The following GCSAML variants were observed in gnomAD, a reference collection of about 807,000 sequenced individuals.
GCSAML encodes germinal center-associated signaling and motility-like protein.
A neutral mutation model predicts 13.0 loss-of-function variants in GCSAML; 9 were observed. The observed-to-expected ratio is 0.69, with a 90% CI of 0.42 to 1.21. The LOEUF (loss-of-function observed/expected upper bound fraction) is 1.21, where lower values mean the gene tolerates loss of function less well. Ranked by LOEUF, GCSAML falls within the 50% of genes most tolerant of loss-of-function variation. GCSAML has a pLI of 0.00. For missense variants in GCSAML, 143 were observed against 153.4 expected, an observed-to-expected ratio of 0.93 and a Z score of 0.36; for synonymous variants, 37 against 52.9, an observed-to-expected ratio of 0.70 and a Z score of 1.31.
At chr1:247,544,173 G>T (rs906712515), upstream of GCSAML, among the ~76,000 whole-genome samples, 18 of 152,208 alleles carry the variant, frequency 1.2e-4, no homozygotes, top group African/African-American at 4.1e-4. Context: ...CTGTGCTGAT[G>T]AAAGGTCGAA....
intron 4 of GCSAML, among the ~76,000 whole-genome samples, chr1:247,569,566 G>A (rs1026225675): frequency 9.9e-5 from 15 of 152,144 alleles, no homozygotes; most frequent in African/African-American, 2.7e-4. Context: ...CGACTTGATC[G>A]TGGTGGATAT....
intron 4 of GCSAML, among the ~76,000 whole-genome samples, chr1:247,570,711 A>G (rs116215734): frequency 0.013 from 2,004 of 152,222 alleles, 46 homozygotes; most frequent in African/African-American, 0.044. Flanking sequence ...AGATCTGTAG[A>G]TGTTTATTTG....
intron 2 of GCSAML, among the ~76,000 whole-genome samples, chr1:247,561,918 T>C (rs1407100512): frequency 6.6e-6 from 1 of 152,110 alleles, no homozygotes; most frequent in Non-Finnish European, 1.5e-5. Flanking sequence ...CACGGAGGGT[T>C]GCAGCAGGAC....
upstream of GCSAML, among the ~76,000 whole-genome samples, chr1:247,546,152 T>C (rs902098672): frequency 6.6e-6 from 1 of 152,092 alleles, no homozygotes; most frequent in Admixed American, 6.5e-5. Flanking sequence ...AATTTTTGTT[T>C]GTTCGTTTTG....
chr1:247,538,012 A>AT (rs35299196), intron 2 of GCSAML, among the ~76,000 whole-genome samples: 5 of 151,742 alleles, frequency 3.3e-5, no homozygotes, highest in African/African-American at 7.3e-5. Flanking sequence ...TAATTTATCT[A>AT]TTTTTTTTGT....
At chr1:247,533,555 G>C (rs12563814) in intron 2 of GCSAML, 139,843 of 152,252 alleles carry the variant, frequency 0.92, 64,529 homozygotes, top group Non-Finnish European at 0.96. Flanking sequence ...AGGTCTTATT[G>C]CATACCAAGA....
chr1:247,541,582 A>G (rs977881082), intron 2 of GCSAML, among the ~76,000 whole-genome samples: 6 of 152,230 alleles, frequency 3.9e-5, no homozygotes, highest in Non-Finnish European at 8.8e-5. Flanking sequence ...CTACAAGTCA[A>G]AAAACACACA....
At chr1:247,572,326 A>T (rs1668646474) in intron 4 of GCSAML, among the ~76,000 whole-genome samples, 1 of 151,712 alleles carries the variant, frequency 6.6e-6, no homozygotes. Context: ...CTTTTTCTTC[A>T]TCTTTGTGGA....
intron 1 of GCSAML, among the ~76,000 whole-genome samples, chr1:247,507,736 A>G (rs1489370895): frequency 4.0e-5 from 6 of 151,892 alleles, no homozygotes; most frequent in East Asian, 1.9e-4. Flanking sequence ...TGTGTTCTCA[A>G]CGTTCACTTA....
chr1:247,553,164 T>C (rs1240171054), intron 1 of GCSAML, among the ~76,000 whole-genome samples: 1 of 152,224 alleles, frequency 6.6e-6, no homozygotes, highest in Non-Finnish European at 1.5e-5. Context: ...TTTTATTTTA[T>C]TCTTTGTTAG....
intron 1 of GCSAML, among the ~76,000 whole-genome samples, chr1:247,550,511 C>A (rs1401984755): frequency 3.3e-5 from 5 of 152,074 alleles, no homozygotes; most frequent in African/African-American, 1.2e-4. Context: ...GTGGTGGGCA[C>A]CTGTAATCCC....
intron 4 of GCSAML, among the ~76,000 whole-genome samples, chr1:247,569,722 A>G (rs1668528024): frequency 6.6e-6 from 1 of 152,218 alleles, no homozygotes; most frequent in Non-Finnish European, 1.5e-5. Context: ...TGGCCTCATA[A>G]AATGAGTTAG....
At chr1:247,542,777 T>C (rs935415609) in intron 2 of GCSAML, among the ~76,000 whole-genome samples, 4 of 152,258 alleles carry the variant, frequency 2.6e-5, no homozygotes, top group African/African-American at 9.6e-5. Context: ...TCTAATTTAA[T>C]GACTATTTGA....
upstream of GCSAML, among the ~76,000 whole-genome samples, chr1:247,545,132 A>G (rs1667525042): frequency 1.3e-5 from 2 of 152,146 alleles, no homozygotes; most frequent in African/African-American, 4.8e-5. Flanking sequence ...CAGATTTGAG[A>G]GTTTGTTTCT....
intron 2 of GCSAML, chr1:247,529,533 G>A (rs760247009): frequency 2.6e-5 from 4 of 152,146 alleles, no homozygotes; most frequent in Non-Finnish European, 4.4e-5. Flanking sequence ...CCTGATACAT[G>A]AGTCCAGAAA....
chr1:247,574,636 G>A lies in GCSAML; in HGVS notation c.*254G>A. ...TTGTAAAGTTTGAGGACATGGAGGT[G>A]ATAAAAAAAACTTTCTTAGGACAAT... On this transcript the variant is annotated 3_prime_UTR_variant, in exon 5 of 5. Coordinates refer to ENST00000366488, the MANE Select transcript of GCSAML (RefSeq NM_145278.5). 2.4e-6 allele frequency: 1 copy of A among 421,290 alleles called. No homozygotes were observed. The highest frequency in any genetic ancestry group is 2.0e-5 in the African/African-American group (1 of 49,772). 26.1% of individuals were successfully genotyped at this position (421,290 alleles called of 1,614,324 possible).
At chr1:247,510,725 T>C (rs1029371096) in intron 1 of GCSAML, among the ~76,000 whole-genome samples, 21 of 152,162 alleles carry the variant, frequency 1.4e-4, no homozygotes, top group African/African-American at 4.8e-4. Context: ...TTCAAAGAAC[T>C]TATTACTTCT....
intron 1 of GCSAML, among the ~76,000 whole-genome samples, chr1:247,513,910 T>G (rs1197807472): frequency 6.6e-6 from 1 of 152,084 alleles, no homozygotes; most frequent in African/African-American, 2.4e-5. Context: ...TCACCAGGCT[T>G]CTGCATTGAT....
chr1:247,534,704 CTA>C (rs1491356962), intron 2 of GCSAML, among the ~76,000 whole-genome samples: 1 of 152,176 alleles, frequency 6.6e-6, no homozygotes, highest in Non-Finnish European at 1.5e-5. Flanking sequence ...GTGAACTTAA[CTA>C]TCAGCCTTCT....
Sources: gnomAD v4.1 joint callset for allele counts (sites outside exome capture counted in the v4.1 genomes callset) on GRCh38, gnomAD v4.1.1 for gene constraint, MANE v1.5 for transcripts, NCBI Gene and HGNC (gene_info 2026-07-23, HGNC 2026-07-21) for gene names.